Variants in PCNX4 observed in about 807,000 individuals in gnomAD.
The protein encoded by PCNX4 is pecanex 4.
PCNX4 carries 103 observed loss-of-function variants against 107.2 expected under a neutral mutation model. The observed-to-expected ratio is 0.96, with a 90% CI of 0.82 to 1.13. The LOEUF is 1.13. Ranked by LOEUF, PCNX4 falls within the 50% of genes most tolerant of loss-of-function variation. The pLI is 0.00. For missense variants in PCNX4, 1,528 were observed against 1,379.4 expected (o/e 1.11, Z -1.71); for synonymous variants, 541 against 481.7 (o/e 1.12, Z -1.61).
chr14:60,099,320 A>G (rs1210612388), intron 1 of PCNX4, among the ~76,000 whole-genome samples: 3 of 152,210 alleles, frequency 2.0e-5, no homozygotes, highest in Non-Finnish European at 4.4e-5. Flanking sequence ...ATTTCCTTGC[A>G]GATTTTGTAA....
chr14:60,127,949 A>G (rs1896085310), intron 10 of PCNX4, among the ~76,000 whole-genome samples: 1 of 152,208 alleles, frequency 6.6e-6, no homozygotes, highest in Admixed American at 6.5e-5. Context: ...AAAAAGAACC[A>G]AATGAAAAAT....
chr14:60,107,657 C>G lies in PCNX4; in HGVS notation c.19C>G (p.Leu7Val). 6.2e-7 allele frequency: 1 copy of G among 1,612,488 alleles called. No individual in the cohort carries two copies. The highest frequency in any genetic ancestry group is 8.5e-7 in the Non-Finnish European group (1 of 1,179,708). Residue 7 changes from leucine (L) to valine (V), a missense_variant, in exon 2 of 11, where the codon CTA (leucine) becomes GTA (valine). Physicochemically the swap from Leu to Val is conservative, Grantham distance 32. Coordinates refer to ENST00000406854, the MANE Select transcript of PCNX4 (RefSeq NM_001330177.2). ...AGTGAGGATGAGTCCAGATGTGCCT[C>G]TACTGAATGATTACAAGCAGGACTT... MSPDVP[L>V]LNDYKQDFFL...
chr14:60,093,641 A>G (rs534439809), intron 1 of PCNX4, among the ~76,000 whole-genome samples: 60 of 152,232 alleles, frequency 3.9e-4, no homozygotes, highest in African/African-American at 1.2e-3. Flanking sequence ...TATTTCTTCT[A>G]TGAATCTTTT....
intron 8 of PCNX4, 26 bp from the exon 9 acceptor site, chr14:60,124,192 T>C (rs1206214536): frequency 6.7e-7 from 1 of 1,489,832 alleles, no homozygotes; most frequent in Non-Finnish European, 8.9e-7. Flanking sequence ...GATTATAAAC[T>C]CAAGTACTTT....
intron 2 of PCNX4, among the ~76,000 whole-genome samples, chr14:60,113,360 A>T (rs765785832): frequency 6.6e-6 from 1 of 151,938 alleles, no homozygotes; most frequent in Non-Finnish European, 1.5e-5. Flanking sequence ...AAATTGTCTT[A>T]TTATTATTAC....
chr14:60,106,297 C>T (rs774946229), intron 1 of PCNX4, among the ~76,000 whole-genome samples: 37 of 152,164 alleles, frequency 2.4e-4, no homozygotes, highest in Non-Finnish European at 4.4e-4. Context: ...CACTTCCTCC[C>T]TGTACTTTAA....
rs1173121858 is a variant in PCNX4, at chr14:60,108,290, T to C, written c.652T>C (p.Tyr218His). 10 of 1,609,172 alleles carry C rather than the reference T, an allele frequency of 6.2e-6. No individual in the cohort carries two copies. Among genetic ancestry groups the C allele is most frequent in the Non-Finnish European group, 7.6e-6 (9 of 1,178,974 alleles). The change falls in exon 2 of 11, where the codon TAT becomes CAT. Residue 218 changes from tyrosine (Y) to histidine (H), a missense_variant. Physicochemically the swap from Tyr to His is moderately conservative, Grantham distance 83 (BLOSUM62 2). Coordinates refer to ENST00000406854, the MANE Select transcript of PCNX4 (RefSeq NM_001330177.2). ...YEIIPLMRPL[Y>H]IFFFVSVDLA... ...AATTATTCCTCTTATGAGACCTCTT[T>C]ATATTTTTTTCTTTGTTTCTGTGGA...
At chr14:60,132,801 C>T (rs1159770500) in intron 10 of PCNX4, among the ~76,000 whole-genome samples, 1 of 152,038 alleles carries the variant, frequency 6.6e-6, no homozygotes, top group Non-Finnish European at 1.5e-5. Context: ...TCTATATAGA[C>T]ATTTCTTTAA....
At position 60,137,138 on chromosome 14, in the gene PCNX4, C is replaced by G. The variant is rs968178517; in HGVS notation, c.*2917C>G. 3.9e-5 allele frequency: 6 copies of G among 152,204 alleles called. No individual in the cohort carries two copies. Among genetic ancestry groups the G allele is most frequent in the Non-Finnish European group, 8.8e-5 (6 of 68,044 alleles). 9.4% of individuals were successfully genotyped at this position (152,204 alleles called of 1,614,324 possible). Reference sequence around the variant, plus strand: ...CAAAAGACAGTGAAGAATAACATCACTAAGATCTAAGACAGAATGAAACTT... The same window carrying G: ...CAAAAGACAGTGAAGAATAACATCAGTAAGATCTAAGACAGAATGAAACTT... On this transcript the variant is annotated 3_prime_UTR_variant, in exon 11 of 11. Coordinates refer to ENST00000406854, the MANE Select transcript of PCNX4 (RefSeq NM_001330177.2).
intron 1 of PCNX4, among the ~76,000 whole-genome samples, chr14:60,105,589 A>C (rs1895614036): frequency 1.3e-5 from 2 of 152,116 alleles, no homozygotes; most frequent in African/African-American, 4.8e-5. Context: ...TCAGTATATC[A>C]TGGGCAGCTT....
rs1257493303 is a variant in PCNX4 at position 60,124,603 on chromosome 14, A to G, written c.2432A>G (p.Asp811Gly). ...CCTCCCAAATCCCCAGAAGACATAG[A>G]CAGTTTAAATTCAGAAACTTTTAAT... ...LPPPKSPEDI[D>G]SLNSETFNDW... Residue 811 changes from aspartate (D) to glycine (G), a missense_variant, in exon 9 of 11, where the codon GAC (aspartate) becomes GGC (glycine). Transcript: ENST00000406854. The G allele has an allele frequency of 1.2e-6, 2 of 1,612,926 alleles. No homozygotes were observed. Among genetic ancestry groups the G allele is most frequent in the African/African-American group, 2.7e-5 (2 of 74,904 alleles).
At chr14:60,131,623 C>G (rs1566522098) in intron 10 of PCNX4, among the ~76,000 whole-genome samples, 1 of 152,208 alleles carries the variant, frequency 6.6e-6, no homozygotes, top group Non-Finnish European at 1.5e-5. Flanking sequence ...TGGCAATACT[C>G]TCCAAATATA....
intron 1 of PCNX4, among the ~76,000 whole-genome samples, chr14:60,094,670 A>G (rs1159391540): frequency 6.6e-6 from 1 of 151,780 alleles, no homozygotes; most frequent in Non-Finnish European, 1.5e-5. Context: ...CATACCTATA[A>G]GTCCCCAGCC....
chr14:60,120,286 C>G (rs1003939157), intron 7 of PCNX4, among the ~76,000 whole-genome samples: 2 of 152,204 alleles, frequency 1.3e-5, no homozygotes, highest in African/African-American at 2.4e-5. Context: ...ATTTGAGACT[C>G]AATGCCCAGG....
intron 8 of PCNX4, 22 bp from the exon 9 acceptor site, chr14:60,124,196 G>C: frequency 6.7e-7 from 1 of 1,500,002 alleles, no homozygotes; most frequent in Non-Finnish European, 8.9e-7. Flanking sequence ...ATAAACTCAA[G>C]TACTTTTTAT....
intron 2 of PCNX4, among the ~76,000 whole-genome samples, chr14:60,112,042 T>C (rs1895749754): frequency 6.6e-6 from 1 of 152,192 alleles, no homozygotes; most frequent in Admixed American, 6.5e-5. Context: ...TTTCAGAAGA[T>C]ATGAAAGGGA....
At position 60,143,580 on chromosome 14, in the gene PCNX4, G is replaced by A. The variant is rs544010726; in HGVS notation, c.*9359G>A. ...TGTATGTGAACAGTATTGTGTTAGC[G>A]TTGCTTCTTTATTTCTTCACTTATG... On this transcript the variant is annotated 3_prime_UTR_variant, in exon 11 of 11. Transcript: ENST00000406854. The A allele has an allele frequency of 1.4e-4, 21 of 152,252 alleles. No homozygotes were observed. The highest frequency in any genetic ancestry group is 1.9e-4 in the East Asian group (1 of 5,188). 9.4% of individuals were successfully genotyped at this position (152,252 alleles called of 1,614,324 possible). A position where few individuals can be genotyped will look rare whatever the true frequency, so the allele number is the denominator to read the frequency against.
rs1895319577 is a variant in PCNX4 at position 60,092,400 on chromosome 14, C to T, written c.-73C>T. ...TCCCTGGGATGCCTTCGCGTCTTCTCTTCCCTCGGGTGACTTGAGGTACGT... is the reference window on the plus strand; with the variant it reads ...TCCCTGGGATGCCTTCGCGTCTTCTTTTCCCTCGGGTGACTTGAGGTACGT... On this transcript the variant is annotated 5_prime_UTR_variant, in exon 1 of 11. Transcript: ENST00000406854. The T allele has an allele frequency of 6.6e-6, 1 of 152,344 alleles. No individual in the cohort carries two copies. The highest frequency in any genetic ancestry group is 6.5e-5 in the Admixed American group (1 of 15,292). The allele number at this position is 152,344 out of a possible 1,614,324, so 9.4% of individuals were successfully genotyped here. A position where few individuals can be genotyped will look rare whatever the true frequency, so the allele number is the denominator to read the frequency against.
At chr14:60,102,060 G>A (rs1056325908) in intron 1 of PCNX4, among the ~76,000 whole-genome samples, 1 of 152,218 alleles carries the variant, frequency 6.6e-6, no homozygotes, top group African/African-American at 2.4e-5. Flanking sequence ...GTGATTGCCA[G>A]AGAATGGGGG....
Sources: allele counts gnomAD v4.1 joint callset (sites outside exome capture counted in the v4.1 genomes callset), GRCh38; gene constraint gnomAD v4.1.1; transcripts MANE v1.5; gene names NCBI Gene and HGNC (gene_info 2026-07-23, HGNC 2026-07-21).